The following SH3BGR variants were observed in gnomAD, a reference collection of about 807,000 sequenced individuals.
The protein encoded by SH3BGR is SH3 domain binding glutamate rich protein.
A neutral mutation model predicts 24.5 loss-of-function variants in SH3BGR; 29 were observed. The observed-to-expected ratio is 1.18, with a 90% confidence interval of 0.88 to 1.61. SH3BGR has a LOEUF of 1.61. Among genes scored for constraint, SH3BGR ranks in the 40% most tolerant of loss-of-function variants. SH3BGR has a pLI of 0.00. For missense variants in SH3BGR, 162 were observed against 205.8 expected (o/e 0.79, Z 1.30); for synonymous variants, 55 against 65.7 (o/e 0.84, Z 0.79).
upstream of SH3BGR, among the ~76,000 whole-genome samples, chr21:39,448,660 G>C (rs2077538637): frequency 1.3e-5 from 2 of 152,088 alleles, no homozygotes; most frequent in Admixed American, 6.5e-5. Context: ...CTCCAGCCTG[G>C]TGACAGAAAC....
At chr21:39,472,229 G>A (rs1034165024) in intron 2 of SH3BGR, among the ~76,000 whole-genome samples, 1 of 152,212 alleles carries the variant, frequency 6.6e-6, no homozygotes, top group African/African-American at 2.4e-5. Flanking sequence ...AGCTCTGGAG[G>A]TGGAAAGTCC....
intron 3 of SH3BGR, among the ~76,000 whole-genome samples, chr21:39,493,045 T>C (rs1027944111): frequency 2.6e-5 from 4 of 152,202 alleles, no homozygotes; most frequent in African/African-American, 4.8e-5. Context: ...AGATTGTTAA[T>C]ATTTTCTCCC....
At chr21:39,487,047 C>G (rs2078223115) in intron 3 of SH3BGR, among the ~76,000 whole-genome samples, 1 of 152,168 alleles carries the variant, frequency 6.6e-6, no homozygotes, top group African/African-American at 2.4e-5. Context: ...TTAATTTAGT[C>G]AGGGGAATAT....
chr21:39,506,233 G>A (rs1021908020), intron 4 of SH3BGR, among the ~76,000 whole-genome samples: 1 of 152,208 alleles, frequency 6.6e-6, no homozygotes, highest in Admixed American at 6.5e-5. Context: ...TGATGATTAT[G>A]GGAGCAAGTG....
At chr21:39,495,482 CT>C (rs543877521) in intron 3 of SH3BGR, among the ~76,000 whole-genome samples, 2,820 of 139,984 alleles carry the variant, frequency 0.02, 24 homozygotes, top group South Asian at 0.039. Flanking sequence ...GTAAAAGTCT[CT>C]TTTTTTTTTT....
intron 4 of SH3BGR, among the ~76,000 whole-genome samples, chr21:39,502,341 T>C (rs2078508686): frequency 6.6e-6 from 1 of 152,204 alleles, no homozygotes; most frequent in South Asian, 2.1e-4. Flanking sequence ...AGTAGTTTCA[T>C]GTAGGTATGA....
In SH3BGR at chr21:39,475,190, G is replaced by A. The variant is rs1353191961; in HGVS notation, c.287G>A (p.Gly96Asp). The change falls in exon 3 of 7, where the codon GGT becomes GAT. Residue 96 changes from glycine to aspartate, a missense_variant. Transcript: ENST00000333634. The stretch of plus-strand genomic sequence containing the variant: ...GAGAATATTATTTATTCCTTCCTTG[G>A]TTTGGCTCCTCCTCCAGACTCAAAG... ...KEENIIYSFL[G>D]LAPPPDSKGS... 6.2e-7 allele frequency: 1 copy of A among 1,611,212 alleles called. No individual in the cohort carries two copies. The highest frequency in any genetic ancestry group is 1.3e-5 in the African/African-American group (1 of 74,796).
Position 39,511,555 on chromosome 21 carries a change from G to C in SH3BGR, c.436-125G>C. On this transcript the variant is annotated intron_variant, in intron 5 of 6. Coordinates refer to ENST00000333634, the MANE Select transcript of SH3BGR (RefSeq NM_007341.3). The surrounding 1 kb of genome is among the most constrained non-coding windows in gnomAD (Gnocchi z 4.2). ...GTGTATTTGTGTGTTGTGTGTGTTT[G>C]TTTGTGTGTTGTGTGGTGGGGTGTG... The C allele has an allele frequency of 1.1e-5, 9 of 792,904 alleles. No individual in the cohort carries two copies. The highest frequency in any genetic ancestry group is 1.8e-5 in the Non-Finnish European group (9 of 496,882). The allele number at this position is 792,904 out of a possible 1,614,324, so 49.1% of individuals were successfully genotyped here.
intron 2 of SH3BGR, among the ~76,000 whole-genome samples, chr21:39,467,157 C>T (rs1301691634): frequency 1.3e-5 from 2 of 151,966 alleles, no homozygotes; most frequent in African/African-American, 4.8e-5. Flanking sequence ...TGTAGGTGTC[C>T]ACCAATGTTA....
At chr21:39,487,746 G>A (rs1359614429) in intron 3 of SH3BGR, among the ~76,000 whole-genome samples, 1 of 152,204 alleles carries the variant, frequency 6.6e-6, no homozygotes, top group Non-Finnish European at 1.5e-5. Context: ...GACTTGTGAT[G>A]AAAAGTTTTG....
chr21:39,504,007 T>C (rs751806814), intron 4 of SH3BGR, among the ~76,000 whole-genome samples: 2 of 152,216 alleles, frequency 1.3e-5, no homozygotes, highest in African/African-American at 2.4e-5. Flanking sequence ...CTGGGCATTC[T>C]CTAAGAAATG....
intron 3 of SH3BGR, among the ~76,000 whole-genome samples, chr21:39,479,757 C>G (rs2078101478): frequency 6.6e-6 from 1 of 152,064 alleles, no homozygotes; most frequent in Non-Finnish European, 1.5e-5. Flanking sequence ...AAATCTACTT[C>G]TTCTTTCTCT....
rs757476723 is a variant in SH3BGR, at chr21:39,499,814, T to C, written c.313-9T>C. ...TTGAGCTCATATCCTGGGTTTCCTTTATGACCAGGGATCAGAGAAGGCTGA... is the reference window on the plus strand; with the variant it reads ...TTGAGCTCATATCCTGGGTTTCCTTCATGACCAGGGATCAGAGAAGGCTGA... On this transcript the variant is annotated splice_polypyrimidine_tract_variant and intron_variant, in intron 3 of 6. Transcript: ENST00000333634. 2 of 1,610,134 alleles carry C rather than the reference T, an allele frequency of 1.2e-6. No individual in the cohort carries two copies. The highest frequency in any genetic ancestry group is 1.1e-5 in the South Asian group (1 of 90,774).
At chr21:39,514,760 T>C (rs534963075) in intron 6 of SH3BGR, among the ~76,000 whole-genome samples, 1 of 152,300 alleles carries the variant, frequency 6.6e-6, no homozygotes, top group East Asian at 1.9e-4. Context: ...CTTCTTCTGG[T>C]GTAGCCATGA....
At chr21:39,513,116 A>G (rs943599757) in intron 6 of SH3BGR, among the ~76,000 whole-genome samples, 10 of 152,198 alleles carry the variant, frequency 6.6e-5, no homozygotes, top group Non-Finnish European at 1.5e-4. Context: ...ATATGCACTC[A>G]TTATTCTCTA....
upstream of SH3BGR, chr21:39,451,841 C>T (rs2077578850): frequency 1.0e-5 from 16 of 1,545,090 alleles, no homozygotes; most frequent in East Asian, 4.8e-5. Context: ...CTGCTTTTAT[C>T]GACCAATCAA....
intron 3 of SH3BGR, among the ~76,000 whole-genome samples, chr21:39,493,236 T>C (rs560483191): frequency 3.9e-5 from 6 of 152,328 alleles, no homozygotes; most frequent in Admixed American, 3.9e-4. Context: ...TCTTCTAGAA[T>C]TTTTATAGTT....
intron 2 of SH3BGR, among the ~76,000 whole-genome samples, chr21:39,471,754 AC>A (rs1365657133): frequency 1.3e-5 from 2 of 152,080 alleles, no homozygotes; most frequent in African/African-American, 4.8e-5. Context: ...GAGCCACCAC[AC>A]CCAGCCTGGA....
chr21:39,471,784 C>G (rs1259662859), intron 2 of SH3BGR, among the ~76,000 whole-genome samples: 1 of 152,132 alleles, frequency 6.6e-6, no homozygotes, highest in African/African-American at 2.4e-5. Flanking sequence ...TTGACTGCAT[C>G]TTCCAATTAG....
Sources: gnomAD v4.1 joint callset for allele counts (sites outside exome capture counted in the v4.1 genomes callset) on GRCh38, gnomAD v4.1.1 for gene constraint, Gnocchi (gnomAD v3.1) non-coding constraint, MANE v1.5 for transcripts, NCBI Gene and HGNC (gene_info 2026-07-23, HGNC 2026-07-21) for gene names.